OR2L13: variants seen among roughly 807,000 people sequenced by gnomAD.
OR2L13 encodes olfactory receptor 2L13.
OR2L13 carries 14 observed loss-of-function variants against 15.3 expected under a neutral mutation model. The observed-to-expected ratio is 0.91, with a 90% CI of 0.60 to 1.43. The LOEUF (loss-of-function observed/expected upper bound fraction) is 1.43, where lower values mean the gene tolerates loss of function less well. OR2L13 is among the 40% of genes most tolerant of loss of function. The pLI is 0.00. For synonymous variants in OR2L13, 152 were observed against 142.9 expected (o/e 1.06, Z -0.45); for missense variants, 367 against 387.9 (o/e 0.95, Z 0.45).
At chr1:247,994,884 A>G in the OR2L13 span, among the ~76,000 whole-genome samples, 2 of 151,712 alleles carry the variant, frequency 1.3e-5, no homozygotes, top group South Asian at 2.1e-4. Flanking sequence ...GTACATCTTT[A>G]ATAAAATCAA....
chr1:247,965,435 A>G, the OR2L13 span: 5 of 1,613,632 alleles, frequency 3.1e-6, no homozygotes, highest in Admixed American at 3.3e-5. Context: ...CTTTTCCAAT[A>G]TGGCTGGATA....
the OR2L13 span, among the ~76,000 whole-genome samples, chr1:248,042,519 T>C: frequency 4.0e-5 from 6 of 150,910 alleles, no homozygotes; most frequent in African/African-American, 1.5e-4. Context: ...AAAAAATAAA[T>C]AAACAAATAA....
the OR2L13 span, among the ~76,000 whole-genome samples, chr1:248,073,576 T>G: frequency 2.6e-5 from 4 of 151,740 alleles, no homozygotes; most frequent in South Asian, 8.3e-4. Context: ...TTTATACATA[T>G]GTAACTAACC....
the OR2L13 span, among the ~76,000 whole-genome samples, chr1:248,057,492 ATTT>A: frequency 6.6e-6 from 1 of 151,920 alleles, no homozygotes; most frequent in East Asian, 1.9e-4. Context: ...TGCTTGGTAA[ATTT>A]TTCTCTATTC....
At chr1:247,958,393 TG>T in the OR2L13 span, among the ~76,000 whole-genome samples, 1 of 152,180 alleles carries the variant, frequency 6.6e-6, no homozygotes, top group Non-Finnish European at 1.5e-5. Flanking sequence ...AGGTGTGTTG[TG>T]GTGCTGAAAA....
chr1:248,022,189 C>T, the OR2L13 span: 1 of 1,614,036 alleles, frequency 6.2e-7, no homozygotes, highest in Non-Finnish European at 8.5e-7. Context: ...CCTAAGATGG[C>T]TTCTGATTTT....
the OR2L13 span, chr1:248,003,950 G>C: frequency 6.2e-7 from 1 of 1,613,564 alleles, no homozygotes; most frequent in South Asian, 1.1e-5. Flanking sequence ...CAAGGTTCTG[G>C]CTGTCTTCTA....
At chr1:248,074,421 C>T in the OR2L13 span, among the ~76,000 whole-genome samples, 4 of 150,982 alleles carry the variant, frequency 2.6e-5, no homozygotes, top group Non-Finnish European at 4.4e-5. Context: ...TCTTCATTGA[C>T]GATATGATTC....
At chr1:248,016,933 A>G in the OR2L13 span, among the ~76,000 whole-genome samples, 1 of 152,112 alleles carries the variant, frequency 6.6e-6, no homozygotes, top group Non-Finnish European at 1.5e-5. Flanking sequence ...TTAGGATTAA[A>G]TCTAATGGAA....
chr1:248,060,439 C>G, the OR2L13 span, among the ~76,000 whole-genome samples: 16,201 of 152,122 alleles, frequency 0.11, 2,856 homozygotes, highest in African/African-American at 0.37. Flanking sequence ...TTATAGTATA[C>G]TGTATATTCA....
the OR2L13 span, among the ~76,000 whole-genome samples, chr1:247,980,600 T>C: frequency 6.6e-6 from 1 of 152,204 alleles, no homozygotes; most frequent in South Asian, 2.1e-4. Flanking sequence ...AAATACATTA[T>C]CATAACTCAT....
chr1:248,013,288 G>A, the OR2L13 span, among the ~76,000 whole-genome samples: 1 of 152,050 alleles, frequency 6.6e-6, no homozygotes, highest in Non-Finnish European at 1.5e-5. Context: ...AAAAGTGTAG[G>A]ATTTCATAAA....
At chr1:248,019,738 T>A in the OR2L13 span, among the ~76,000 whole-genome samples, 2 of 105,140 alleles carry the variant, frequency 1.9e-5, no homozygotes, top group African/African-American at 7.7e-5. Flanking sequence ...CCTTCCTTCC[T>A]TCTCCTTCTC....
chr1:248,027,179 G>C, the OR2L13 span, among the ~76,000 whole-genome samples: 3 of 152,188 alleles, frequency 2.0e-5, no homozygotes, highest in Non-Finnish European at 4.4e-5. Context: ...TACAGTCATA[G>C]ATAAGGGACG....
At chr1:247,945,919 AG>A in the OR2L13 span, among the ~76,000 whole-genome samples, 1 of 152,198 alleles carries the variant, frequency 6.6e-6, no homozygotes, top group Non-Finnish European at 1.5e-5. Flanking sequence ...TCTCGAATAC[AG>A]CACACCAATG....
At chr1:248,063,040 G>GT in the OR2L13 span, 1 of 152,092 alleles carries the variant, frequency 6.6e-6, no homozygotes. Context: ...CATGCCTCCA[G>GT]TTTTTTCTTT....
At chr1:248,021,811 G>A in the OR2L13 span, 400 of 623,952 alleles carry the variant, frequency 6.4e-4, 1 homozygote, top group Non-Finnish European at 1.1e-3. Flanking sequence ...AAAAAATAGT[G>A]TATATAGGGT....
At chr1:248,023,719 A>G in the OR2L13 span, 1 of 152,316 alleles carries the variant, frequency 6.6e-6, no homozygotes, top group South Asian at 2.1e-4. Flanking sequence ...TTATTTTTAT[A>G]AAAGTTGTCA....
chr1:247,990,246 GA>G, the OR2L13 span: 4 of 796,138 alleles, frequency 5.0e-6, no homozygotes, highest in African/African-American at 6.7e-5. Flanking sequence ...CTCCCTTCAG[GA>G]AGGATCATAT....
Sources: allele counts gnomAD v4.1 joint callset (sites outside exome capture counted in the v4.1 genomes callset), GRCh38; gene constraint gnomAD v4.1.1; transcripts MANE v1.5; gene names NCBI Gene and HGNC (gene_info 2026-07-23, HGNC 2026-07-21).